Variants in BRINP3 observed in about 807,000 individuals in gnomAD.
BRINP3 encodes the protein BMP/retinoic acid-inducible neural-specific protein 3.
Under a neutral mutation model 71.0 loss-of-function variants are expected in BRINP3, and 19 were observed. That is an observed-to-expected ratio of 0.27 (90% CI 0.19 to 0.39). The LOEUF (loss-of-function observed/expected upper bound fraction) is 0.39. Ranked by LOEUF, BRINP3 falls within the 10% of genes least tolerant of loss-of-function variation. The pLI, the probability that BRINP3 is intolerant of heterozygous loss-of-function variation, is 1.00. For synonymous variants in BRINP3, 380 were observed against 337.7 expected, an observed-to-expected ratio of 1.13 and a Z score of -1.37; for missense variants, 959 against 940.8, an observed-to-expected ratio of 1.02 and a Z score of -0.25.
intron 5 of BRINP3, 77 bp from the exon 6 acceptor site, chr1:190,226,395 T>A (rs1400465031): frequency 1.3e-6 from 1 of 771,518 alleles, no homozygotes; most frequent in Admixed American, 3.5e-5. Context: ...TAATATTCAA[T>A]CAAAACAGTA....
chr1:190,173,396 G>A (rs1652199843), intron 6 of BRINP3, among the ~76,000 whole-genome samples: 1 of 152,124 alleles, frequency 6.6e-6, no homozygotes. Context: ...TGTGTCCTTT[G>A]GAGTAAAATG....
At chr1:190,142,730 A>C (rs1174278833) in intron 7 of BRINP3, among the ~76,000 whole-genome samples, 1 of 152,074 alleles carries the variant, frequency 6.6e-6, no homozygotes, top group African/African-American at 2.4e-5. Context: ...ACAACTTTCA[A>C]ATAAAAAAAT....
intron 3 of BRINP3, among the ~76,000 whole-genome samples, chr1:190,277,637 T>C (rs1662699734): frequency 6.6e-6 from 1 of 151,816 alleles, no homozygotes; most frequent in South Asian, 2.1e-4. Flanking sequence ...TCATTATTTT[T>C]TGTCATATTC....
At chr1:190,330,571 G>A (rs1179513286) in intron 2 of BRINP3, among the ~76,000 whole-genome samples, 1 of 152,002 alleles carries the variant, frequency 6.6e-6, no homozygotes, top group Admixed American at 6.6e-5. Flanking sequence ...AAGCAGTTTG[G>A]ATAGTTCTCA....
chr1:190,428,708 A>C lies in BRINP3; in HGVS notation c.236+25947T>G, dbSNP rs984938610. Reference sequence around the variant, plus strand: ...CAATCATAAACATTTGAGATGATACATATCCTACTTACCTTGATTTGATCT... The same window carrying C: ...CAATCATAAACATTTGAGATGATACCTATCCTACTTACCTTGATTTGATCT... On this transcript the variant is annotated intron_variant, in intron 2 of 7. Transcript: ENST00000367462. Among the ~76,000 whole-genome samples, 6 of 152,128 alleles carry C rather than the reference A, an allele frequency of 3.9e-5. No homozygotes were observed. The East Asian group carries it at 1.2e-3, about 29-fold the overall frequency.
chr1:190,460,547 T>C (rs1189753460), intron 1 of BRINP3, among the ~76,000 whole-genome samples: 1 of 152,168 alleles, frequency 6.6e-6, no homozygotes, highest in Non-Finnish European at 1.5e-5. Context: ...AAAATAAATC[T>C]TATTGATCAA....
chr1:190,418,845 C>T (rs911813215), intron 2 of BRINP3, among the ~76,000 whole-genome samples: 2 of 151,952 alleles, frequency 1.3e-5, no homozygotes, highest in Non-Finnish European at 2.9e-5. Context: ...AAAAGCACCT[C>T]GGCACACTCA....
chr1:190,460,052 T>A (rs1196789066), intron 1 of BRINP3, among the ~76,000 whole-genome samples: 4 of 152,032 alleles, frequency 2.6e-5, no homozygotes, highest in Non-Finnish European at 4.4e-5. Flanking sequence ...TTTCTTCTCT[T>A]GAGCAAATAC....
At chr1:190,401,104 C>T (rs1474976508) in intron 2 of BRINP3, among the ~76,000 whole-genome samples, 1 of 152,166 alleles carries the variant, frequency 6.6e-6, no homozygotes, top group East Asian at 1.9e-4. Context: ...CCCCTGTAAT[C>T]CCAGCACTTT....
chr1:190,189,300 T>A (rs978334017), intron 6 of BRINP3, among the ~76,000 whole-genome samples: 8 of 152,168 alleles, frequency 5.3e-5, no homozygotes, highest in African/African-American at 1.9e-4. Flanking sequence ...GGAGACTTTT[T>A]ATTTTTGATT....
intron 6 of BRINP3, among the ~76,000 whole-genome samples, chr1:190,209,995 C>T (rs987659812): frequency 6.6e-6 from 1 of 151,956 alleles, no homozygotes; most frequent in Non-Finnish European, 1.5e-5. Flanking sequence ...GGTAGTATTG[C>T]TTAAAAGTTA....
chr1:190,341,305 T>C (rs1300200450), intron 2 of BRINP3, among the ~76,000 whole-genome samples: 1 of 151,880 alleles, frequency 6.6e-6, no homozygotes, highest in Non-Finnish European at 1.5e-5. Flanking sequence ...ATAATCACTT[T>C]TAATGTTTTT....
intron 7 of BRINP3, among the ~76,000 whole-genome samples, chr1:190,102,205 G>A (rs1348967065): frequency 6.6e-6 from 1 of 152,092 alleles, no homozygotes; most frequent in Non-Finnish European, 1.5e-5. Flanking sequence ...CTTAGTGAAA[G>A]CAGCAGTCAA....
rs1651779310 is a variant in BRINP3, at chr1:190,102,390, T to C, written c.1185-3256A>G. Among the ~76,000 whole-genome samples the C allele has an allele frequency of 2.0e-5, 3 of 152,158 alleles. No homozygotes were observed. In the South Asian group the frequency reaches 6.2e-4, roughly 31 times the overall value. ...GTTTGTATCAAGTGTATTTCCACTT[T>C]GTTTCTTTTTATGCTTAAGTATTAA... On this transcript the variant is annotated intron_variant, in intron 7 of 7. Transcript: ENST00000367462.
intron 4 of BRINP3, among the ~76,000 whole-genome samples, chr1:190,237,632 G>A (rs1658652288): frequency 6.6e-6 from 1 of 151,898 alleles, no homozygotes; most frequent in African/African-American, 2.4e-5. Context: ...CATGAAAATG[G>A]TTGAGACTAG....
chr1:190,435,424 C>T (rs1572037965), intron 2 of BRINP3, among the ~76,000 whole-genome samples: 3 of 151,208 alleles, frequency 2.0e-5, no homozygotes, highest in Non-Finnish European at 4.4e-5. Flanking sequence ...TTTTTTGAGG[C>T]AGAGAGAGCT....
At chr1:190,361,140 A>T (rs1669119956) in intron 2 of BRINP3, among the ~76,000 whole-genome samples, 1 of 151,934 alleles carries the variant, frequency 6.6e-6, no homozygotes, top group African/African-American at 2.4e-5. Context: ...TTTGACAGGG[A>T]CAAGCAGGAA....
chr1:190,326,930 A>G (rs1205701152), intron 2 of BRINP3, among the ~76,000 whole-genome samples: 1 of 151,922 alleles, frequency 6.6e-6, no homozygotes, highest in Non-Finnish European at 1.5e-5. Context: ...ACTTCACAAT[A>G]GGTTCAAAAC....
intron 2 of BRINP3, among the ~76,000 whole-genome samples, chr1:190,436,652 T>A (rs542296411): frequency 9.9e-5 from 15 of 152,000 alleles, no homozygotes; most frequent in African/African-American, 3.6e-4. Flanking sequence ...ATTATCTGAA[T>A]AATTCATCTC....
Sources: gnomAD v4.1 joint callset for allele counts (sites outside exome capture counted in the v4.1 genomes callset) on GRCh38, gnomAD v4.1.1 for gene constraint, MANE v1.5 for transcripts, NCBI Gene and HGNC (gene_info 2026-07-23, HGNC 2026-07-21) for gene names.